NBEA: variants seen among roughly 807,000 people sequenced by gnomAD.
The protein encoded by NBEA is neurobeachin, also known as lysosomal-trafficking regulator 2.
A neutral mutation model predicts 343.4 loss-of-function variants in NBEA; 44 were observed. The ratio of observed to expected loss-of-function variants is 0.13; its 90% confidence interval spans 0.10 to 0.16. The LOEUF is 0.16. NBEA is among the 10% of genes least tolerant of loss of function. The pLI is 1.00. For missense variants in NBEA, 2,555 were observed against 3,631.3 expected (o/e 0.70, Z 7.62); for synonymous variants, 1,175 against 1,238.7 (o/e 0.95, Z 1.08).
chr13:35,413,081 T>C (rs1219021122), intron 38 of NBEA, among the ~76,000 whole-genome samples: 1 of 152,198 alleles, frequency 6.6e-6, no homozygotes, highest in Non-Finnish European at 1.5e-5. Flanking sequence ...ATATTACTAA[T>C]TATATACTAG....
At chr13:35,328,205 A>C (rs2038702289) in intron 36 of NBEA, among the ~76,000 whole-genome samples, 1 of 152,082 alleles carries the variant, frequency 6.6e-6, no homozygotes, top group Non-Finnish European at 1.5e-5. Flanking sequence ...AAAATCAGTT[A>C]TAATAACAAA....
At chr13:35,604,097 C>T (rs1026796074) in intron 47 of NBEA, among the ~76,000 whole-genome samples, 3 of 152,174 alleles carry the variant, frequency 2.0e-5, no homozygotes, top group African/African-American at 7.2e-5. Context: ...CTGATAAACA[C>T]TGTCATGTTT....
In NBEA at chr13:35,037,503, G is replaced by A. The variant is rs1469173008; in HGVS notation, c.295-3430G>A. Among the ~76,000 whole-genome samples the A allele has an allele frequency of 2.6e-5, 4 of 152,088 alleles. No individual in the cohort carries two copies. In the East Asian group the frequency reaches 5.8e-4, roughly 22 times the overall value. On this transcript the variant is annotated intron_variant, in intron 1 of 58. Coordinates refer to ENST00000379939, the MANE Select transcript of NBEA (RefSeq NM_001385012.1). The stretch of plus-strand genomic sequence containing the variant: ...GGCATTGAAGAGTTAGGTATTTATT[G>A]TACTCTTCATTGCCTGAGCTTATTT...
chr13:35,375,443 C>T (rs2041687044), intron 38 of NBEA, among the ~76,000 whole-genome samples: 1 of 152,004 alleles, frequency 6.6e-6, no homozygotes, highest in South Asian at 2.1e-4. Context: ...AGGGGGAAAT[C>T]TTAGAAAATC....
intron 38 of NBEA, among the ~76,000 whole-genome samples, chr13:35,356,889 T>C (rs965148945): frequency 1.3e-5 from 2 of 152,112 alleles, no homozygotes; most frequent in South Asian, 4.1e-4. Flanking sequence ...CTCATTAGAG[T>C]GGATTTCTCT....
At chr13:35,462,479 A>G (rs117729767) in intron 40 of NBEA, among the ~76,000 whole-genome samples, 4,547 of 152,302 alleles carry the variant, frequency 0.03, 105 homozygotes, top group Non-Finnish European at 0.045. Flanking sequence ...TAAATTACTT[A>G]GGTAGAAAGC....
At chr13:35,182,287 G>T in intron 28 of NBEA, 73 bp from the exon 29 acceptor site, 1 of 1,331,540 alleles carries the variant, frequency 7.5e-7, no homozygotes, top group Non-Finnish European at 1.0e-6. Flanking sequence ...TAATAAAATA[G>T]CAGTTTCTAG....
At chr13:35,577,952 G>A (rs1184590864) in intron 45 of NBEA, among the ~76,000 whole-genome samples, 3 of 152,076 alleles carry the variant, frequency 2.0e-5, no homozygotes, top group South Asian at 2.1e-4. Context: ...TTTCTATGTT[G>A]TCATAACAGA....
intron 34 of NBEA, among the ~76,000 whole-genome samples, chr13:35,284,940 T>C (rs1385481582): frequency 3.3e-5 from 5 of 152,326 alleles, no homozygotes; most frequent in Admixed American, 1.3e-4. Context: ...GGTAATACCC[T>C]GTGTCTTAGA....
At chr13:35,356,670 A>G (rs1366659796) in intron 38 of NBEA, among the ~76,000 whole-genome samples, 1 of 152,136 alleles carries the variant, frequency 6.6e-6, no homozygotes, top group Non-Finnish European at 1.5e-5. Context: ...TGTATTTGAC[A>G]GTCTTCTATG....
chr13:35,123,623 A>C, intron 17 of NBEA, 49 bp downstream of exon 17: 1 of 1,182,400 alleles, frequency 8.5e-7, no homozygotes, highest in South Asian at 2.4e-5. Context: ...TATTGAGATT[A>C]TGTTTTTATG....
In NBEA at chr13:34,942,528, C is replaced by G; in HGVS notation, c.-293C>G. On this transcript the variant is annotated 5_prime_UTR_variant, in exon 1 of 59. Coordinates refer to ENST00000379939, the MANE Select transcript of NBEA (RefSeq NM_001385012.1). ...AGGGAGAGAGCAGAGGCAGCGGCGG[C>G]GGCAGCGGCAGCGGCAGCGGCACAC... The G allele has an allele frequency of 2.3e-5, 4 of 175,482 alleles. No homozygotes were observed. The highest frequency in any genetic ancestry group is 3.0e-5 in the Non-Finnish European group (3 of 100,178). 10.9% of individuals were successfully genotyped at this position (175,482 alleles called of 1,614,324 possible).
intron 1 of NBEA, among the ~76,000 whole-genome samples, chr13:34,965,143 A>G (rs1406949690): frequency 2.6e-5 from 4 of 152,096 alleles, no homozygotes. Context: ...TAGTTTAAAC[A>G]TACTTGTATT....
rs771271035 is a variant in NBEA, at chr13:35,015,127, G to GAAAAAA, written c.295-25799_295-25794dup. Among the ~76,000 whole-genome samples the GAAAAAA allele has an allele frequency of 2.2e-3, 40 of 18,308 alleles. 7 individuals are homozygous for GAAAAAA. Among genetic ancestry groups the GAAAAAA allele is most frequent in the East Asian group, 8.1e-3 (4 of 496 alleles). 12.0% of individuals were successfully genotyped at this position (18,308 alleles called of 152,430 possible). A position where few individuals can be genotyped will look rare whatever the true frequency, so the allele number is the denominator to read the frequency against. On this transcript the variant is annotated intron_variant, in intron 1 of 58. Transcript: ENST00000379939. Reference sequence around the variant, plus strand: ...TTCTCAACAAAAAGCAACGAGATCTGAAAAAAAAAAAACAAACAAAAAAAA... The same window carrying GAAAAAA: ...TTCTCAACAAAAAGCAACGAGATCTGAAAAAAAAAAAAAAAAAACAAACAAAAAAAA...
At chr13:35,108,814 T>C (rs1262310560) in intron 11 of NBEA, among the ~76,000 whole-genome samples, 1 of 152,052 alleles carries the variant, frequency 6.6e-6, no homozygotes, top group Non-Finnish European at 1.5e-5. Flanking sequence ...TATGAAGCTG[T>C]GAAAGCATAC....
chr13:35,310,939 G>A (rs1196933652), intron 36 of NBEA, among the ~76,000 whole-genome samples: 1 of 151,966 alleles, frequency 6.6e-6, no homozygotes, highest in Non-Finnish European at 1.5e-5. Flanking sequence ...TTTTATCACT[G>A]TATTATATTT....
chr13:35,155,913 T>C, intron 19 of NBEA, 58 bp downstream of exon 19: 1 of 1,539,972 alleles, frequency 6.5e-7, no homozygotes, highest in South Asian at 1.1e-5. Context: ...CATATGAGAC[T>C]AAATCAAAAC....
chr13:35,626,490 C>T (rs367947684), intron 48 of NBEA, among the ~76,000 whole-genome samples: 4 of 152,074 alleles, frequency 2.6e-5, no homozygotes, highest in Admixed American at 6.6e-5. Context: ...GTAATGAATG[C>T]GCTTAGCTGA....
chr13:34,942,834 A>G lies in NBEA; in HGVS notation c.14A>G (p.Lys5Arg), dbSNP rs1165734499. The G allele has an allele frequency of 1.5e-5, 20 of 1,355,632 alleles. No homozygotes were observed. Among genetic ancestry groups the G allele is most frequent in the South Asian group, 3.3e-5 (2 of 61,294 alleles). 84.0% of individuals were successfully genotyped at this position (1,355,632 alleles called of 1,614,324 possible). A position where few individuals can be genotyped will look rare whatever the true frequency, so the allele number is the denominator to read the frequency against. ...GGAGGGGGGCCAATGGCTAGCGAGA[A>G]GCCGGGCCCGGGCCCGGGGCTCGAG... MASEKPGPGPGLEPQ... is the reference protein window; with the variant it reads MASERPGPGPGLEPQ... Residue 5 changes from lysine (K) to arginine (R), a missense_variant, in exon 1 of 59, where the codon AAG (lysine) becomes AGG (arginine). Coordinates refer to ENST00000379939, the MANE Select transcript of NBEA (RefSeq NM_001385012.1).
Sources: gnomAD v4.1 joint callset for allele counts (sites outside exome capture counted in the v4.1 genomes callset) on GRCh38, gnomAD v4.1.1 for gene constraint, MANE v1.5 for transcripts, NCBI Gene and HGNC (gene_info 2026-07-23, HGNC 2026-07-21) for gene names.